Variants in GRM5 observed in about 807,000 individuals in gnomAD.
The protein encoded by GRM5 is glutamate metabotropic receptor 5.
GRM5 carries 19 observed loss-of-function variants against 83.1 expected under a neutral mutation model. The ratio of observed to expected loss-of-function variants is 0.23; its 90% CI spans 0.16 to 0.34. The LOEUF is 0.34. GRM5 is among the 10% of genes least tolerant of loss of function. The probability of loss-of-function intolerance (pLI) is 1.00; values close to 1 mark genes in which losing one functional copy is unlikely to be tolerated. For missense variants in GRM5, 1,160 were observed against 1,588.3 expected (o/e 0.73, Z 4.58); for synonymous variants, 675 against 633.6 (o/e 1.07, Z -0.98).
intron 3 of GRM5, among the ~76,000 whole-genome samples, chr11:88,755,205 G>A (rs1334579486): frequency 1.3e-5 from 2 of 152,134 alleles, no homozygotes; most frequent in Non-Finnish European, 2.9e-5. Flanking sequence ...AGAGCTTGGG[G>A]ATTCTCAAGA....
intron 1 of GRM5, among the ~76,000 whole-genome samples, chr11:89,064,692 G>A (rs1165870563): frequency 6.6e-6 from 1 of 151,758 alleles, no homozygotes; most frequent in Admixed American, 6.6e-5. Context: ...GCTTGTTCAA[G>A]GTCATGTTTC....
Position 88,661,772 on chromosome 11 carries a change from T to A in GRM5, c.912-8369A>T, listed in dbSNP as rs145310556. 8.1e-4 allele frequency among the ~76,000 whole-genome samples: 124 copies of A among 152,214 alleles called. 1 individual carries two copies. In the East Asian group the frequency reaches 0.024, roughly 29 times the overall value. On this transcript the variant is annotated intron_variant, in intron 3 of 9. Transcript: ENST00000305447. ...TACAGTCTCAGTATGTTGCCCAGGA[T>A]GGATTCAAACTCCTGGGCTCAGCCT...
chr11:88,967,389 AC>A (rs1389224471), intron 2 of GRM5, among the ~76,000 whole-genome samples: 12 of 148,484 alleles, frequency 8.1e-5, no homozygotes, highest in African/African-American at 3.0e-4. Flanking sequence ...GTAACAGAAA[AC>A]CACGGATAAA....
chr11:88,887,829 A>G (rs1262839379), intron 2 of GRM5, among the ~76,000 whole-genome samples: 1 of 152,138 alleles, frequency 6.6e-6, no homozygotes, highest in Non-Finnish European at 1.5e-5. Flanking sequence ...TCTTTTGCAC[A>G]AGGGCATGGC....
intron 3 of GRM5, among the ~76,000 whole-genome samples, chr11:88,836,519 G>T (rs570473273): frequency 6.6e-6 from 1 of 152,204 alleles, no homozygotes; most frequent in South Asian, 2.1e-4. Flanking sequence ...TAGAAAACAG[G>T]CCAGGCGCGG....
At chr11:88,765,272 G>T (rs1257403000) in intron 3 of GRM5, among the ~76,000 whole-genome samples, 1 of 151,246 alleles carries the variant, frequency 6.6e-6, no homozygotes, top group East Asian at 1.9e-4. Context: ...GAAAAGCCCT[G>T]GGTCTGATAG....
chr11:88,536,849 A>G (rs1018792214), intron 8 of GRM5, among the ~76,000 whole-genome samples: 2 of 152,204 alleles, frequency 1.3e-5, no homozygotes, highest in African/African-American at 4.8e-5. Flanking sequence ...TAAAGTGAAG[A>G]GAGAAACTAT....
intron 8 of GRM5, among the ~76,000 whole-genome samples, chr11:88,546,717 T>C (rs1435184860): frequency 1.3e-5 from 2 of 152,084 alleles, no homozygotes. Context: ...GGGATAAATT[T>C]CATGCTAATG....
rs114683538 is a variant in GRM5, at chr11:88,919,773, A to G, written c.662-69618T>C. On this transcript the variant is annotated intron_variant, in intron 2 of 9. Coordinates refer to ENST00000305447, the MANE Select transcript of GRM5 (RefSeq NM_001143831.3). Reference sequence around the variant, plus strand: ...CTTTGGAAACTATAAAAACACGTGGAAATTAAACAAAATGTTCCTGAATGA... The same window carrying G: ...CTTTGGAAACTATAAAAACACGTGGGAATTAAACAAAATGTTCCTGAATGA... Among the ~76,000 whole-genome samples, 360 of 152,168 alleles carry G rather than the reference A, an allele frequency of 2.4e-3. 2 individuals are homozygous for G. The highest frequency in any genetic ancestry group is 8.3e-3 in the African/African-American group (343 of 41,570).
In GRM5 at chr11:88,943,697, A is replaced by C. The variant is rs185732907; in HGVS notation, c.662-93542T>G. On this transcript the variant is annotated intron_variant, in intron 2 of 9. Transcript: ENST00000305447. ...GTTTTAGTATAGGAGAAATAGCAAA[A>C]GAACAGGAGTTGATCTTAATAACAT... Among the ~76,000 whole-genome samples the C allele has an allele frequency of 4.9e-3, 739 of 152,158 alleles. 5 individuals are homozygous for C. Among genetic ancestry groups the C allele is most frequent in the African/African-American group, 0.017 (698 of 41,548 alleles).
At chr11:88,643,780 A>AGTCAT (rs1271939549) in intron 4 of GRM5, among the ~76,000 whole-genome samples, 18 of 152,084 alleles carry the variant, frequency 1.2e-4, no homozygotes, top group African/African-American at 4.1e-4. Context: ...TATTTTCCCC[A>AGTCAT]GTCATATTTT....
At chr11:88,719,646 C>T (rs1941486879) in intron 3 of GRM5, among the ~76,000 whole-genome samples, 1 of 152,010 alleles carries the variant, frequency 6.6e-6, no homozygotes, top group South Asian at 2.1e-4. Context: ...ACACTGAGTT[C>T]CACAAGGGCT....
chr11:88,826,567 T>C (rs1204072259), intron 3 of GRM5, among the ~76,000 whole-genome samples: 1 of 152,122 alleles, frequency 6.6e-6, no homozygotes, highest in South Asian at 2.1e-4. Flanking sequence ...GGGTATTAGG[T>C]AACTGATGTC....
chr11:88,831,114 C>A (rs539532633), intron 3 of GRM5, among the ~76,000 whole-genome samples: 3 of 152,216 alleles, frequency 2.0e-5, no homozygotes, highest in Admixed American at 2.0e-4. Context: ...CATCTCAAGC[C>A]CTAAACAACT....
chr11:88,898,650 C>T (rs1329257758), intron 2 of GRM5, among the ~76,000 whole-genome samples: 5 of 151,956 alleles, frequency 3.3e-5, no homozygotes, highest in African/African-American at 9.7e-5. Context: ...CACACACACA[C>T]ATAAACACAC....
intron 2 of GRM5, among the ~76,000 whole-genome samples, chr11:88,943,681 TA>T (rs1445865433): frequency 1.3e-5 from 2 of 152,064 alleles, no homozygotes; most frequent in Non-Finnish European, 2.9e-5. Flanking sequence ...AGTTTTAGTA[TA>T]GGAGAAATAG....
intron 1 of GRM5, among the ~76,000 whole-genome samples, chr11:89,059,262 G>A (rs1941939886): frequency 6.6e-6 from 1 of 152,074 alleles, no homozygotes; most frequent in Non-Finnish European, 1.5e-5. Context: ...TTGCATCTAA[G>A]TCTTTCTTTT....
intron 3 of GRM5, among the ~76,000 whole-genome samples, chr11:88,720,327 G>A (rs1013639672): frequency 6.7e-6 from 1 of 150,356 alleles, no homozygotes; most frequent in African/African-American, 2.5e-5. Context: ...TTATACCTAT[G>A]ACTGAGTGCA....
intron 3 of GRM5, among the ~76,000 whole-genome samples, chr11:88,733,739 C>T (rs1004143551): frequency 6.6e-6 from 1 of 152,014 alleles, no homozygotes; most frequent in Non-Finnish European, 1.5e-5. Context: ...TATACAATAG[C>T]AGATAAACTT....
Sources: allele counts gnomAD v4.1 joint callset (sites outside exome capture counted in the v4.1 genomes callset), GRCh38; gene constraint gnomAD v4.1.1; transcripts MANE v1.5; gene names NCBI Gene and HGNC (gene_info 2026-07-23, HGNC 2026-07-21).